Variants in AFF3 observed in about 807,000 individuals in gnomAD.
The protein encoded by AFF3 is AF4/FMR2 family member 3.
A neutral mutation model predicts 129.7 loss-of-function variants in AFF3; 32 were observed. The ratio of observed to expected loss-of-function variants is 0.25; its 90% CI spans 0.19 to 0.33. The LOEUF is 0.33. AFF3 is among the 10% of genes least tolerant of loss of function. The pLI, the probability that AFF3 is intolerant of heterozygous loss-of-function variation, is 1.00. For missense variants in AFF3, 1,373 were observed against 1,592.0 expected (o/e 0.86, Z 2.34); for synonymous variants, 644 against 635.4 (o/e 1.01, Z -0.20).
intron 7 of AFF3, among the ~76,000 whole-genome samples, chr2:100,002,498 T>C (rs916905422): frequency 9.2e-5 from 14 of 152,234 alleles, no homozygotes; most frequent in African/African-American, 3.1e-4. Context: ...GACTATTTAA[T>C]TACTTATTTT....
At chr2:99,566,708 T>C (rs1676002804) in intron 19 of AFF3, among the ~76,000 whole-genome samples, 1 of 152,244 alleles carries the variant, frequency 6.6e-6, no homozygotes, top group Non-Finnish European at 1.5e-5. Flanking sequence ...CATACCTTAC[T>C]ACTCTTTGTA....
intron 13 of AFF3, among the ~76,000 whole-genome samples, chr2:99,642,656 T>A (rs1272778432): frequency 6.6e-6 from 1 of 152,232 alleles, no homozygotes; most frequent in Admixed American, 6.5e-5. Flanking sequence ...GAAATATTGT[T>A]ACGATGCAAA....
intron 11 of AFF3, among the ~76,000 whole-genome samples, chr2:99,695,062 T>C (rs947623016): frequency 6.6e-6 from 1 of 152,150 alleles, no homozygotes; most frequent in Non-Finnish European, 1.5e-5. Flanking sequence ...ATTTTAATAA[T>C]ATATTTCACT....
intron 8 of AFF3, among the ~76,000 whole-genome samples, chr2:99,796,933 T>C (rs1453466606): frequency 6.6e-6 from 1 of 152,188 alleles, no homozygotes; most frequent in Non-Finnish European, 1.5e-5. Context: ...AATGATGCTC[T>C]TTCTCACCTG....
intron 7 of AFF3, among the ~76,000 whole-genome samples, chr2:99,901,361 C>T (rs747213994): frequency 1.3e-5 from 2 of 152,194 alleles, no homozygotes; most frequent in Admixed American, 6.5e-5. Context: ...TGTCTGGGTG[C>T]TTGGGCTGTG....
At chr2:99,631,394 C>T (rs957261736) in intron 13 of AFF3, among the ~76,000 whole-genome samples, 1 of 152,170 alleles carries the variant, frequency 6.6e-6, no homozygotes, top group South Asian at 2.1e-4. Flanking sequence ...GTGTTCAGTT[C>T]AGTAGTGTTA....
chr2:100,115,343 T>C (rs1049176060), intron 2 of AFF3, among the ~76,000 whole-genome samples: 15 of 151,880 alleles, frequency 9.9e-5, no homozygotes, highest in Non-Finnish European at 1.8e-4. Flanking sequence ...GAGGCAGGAG[T>C]TCCAGACCAG....
At chr2:99,971,602 T>C (rs2104427944) in intron 7 of AFF3, among the ~76,000 whole-genome samples, 1 of 152,360 alleles carries the variant, frequency 6.6e-6, no homozygotes, top group Middle Eastern at 3.4e-3. Flanking sequence ...TTATTTTGCA[T>C]AATTCACACT....
intron 7 of AFF3, among the ~76,000 whole-genome samples, chr2:99,960,956 G>T (rs1386609331): frequency 6.6e-6 from 1 of 152,174 alleles, no homozygotes; most frequent in Non-Finnish European, 1.5e-5. Flanking sequence ...ACACAGCCTT[G>T]TGCTCCTGGC....
At chr2:100,117,805 T>C (rs1691790476) in intron 2 of AFF3, among the ~76,000 whole-genome samples, 2 of 152,228 alleles carry the variant, frequency 1.3e-5, no homozygotes, top group Admixed American at 6.5e-5. Flanking sequence ...AATTCAAGAT[T>C]ATCTTTACAT....
At chr2:99,897,707 C>T (rs1050086483) in intron 7 of AFF3, among the ~76,000 whole-genome samples, 9 of 152,138 alleles carry the variant, frequency 5.9e-5, no homozygotes, top group African/African-American at 1.9e-4. Flanking sequence ...ATTCACTTAC[C>T]GTCTTCTATC....
At chr2:99,686,476 C>T (rs1675069246) in intron 11 of AFF3, among the ~76,000 whole-genome samples, 1 of 152,156 alleles carries the variant, frequency 6.6e-6, no homozygotes, top group Non-Finnish European at 1.5e-5. Context: ...CCTTTCCTGC[C>T]TACTTGCTAA....
At chr2:99,906,381 C>T (rs545331107) in intron 7 of AFF3, among the ~76,000 whole-genome samples, 192 of 152,244 alleles carry the variant, frequency 1.3e-3, no homozygotes, top group Admixed American at 2.4e-3. Context: ...CAAGTGGGTG[C>T]TTTCGGACCT....
chr2:99,637,905 A>T (rs1341567452), intron 13 of AFF3, among the ~76,000 whole-genome samples: 1 of 152,216 alleles, frequency 6.6e-6, no homozygotes, highest in Non-Finnish European at 1.5e-5. Context: ...TCTAGAAGGG[A>T]CAGCTACATT....
At chr2:99,995,954 T>C (rs754851952) in intron 7 of AFF3, among the ~76,000 whole-genome samples, 2 of 152,182 alleles carry the variant, frequency 1.3e-5, no homozygotes, top group Non-Finnish European at 2.9e-5. Context: ...TATATGAGAA[T>C]TGTTTGCTCA....
chr2:99,896,930 C>T (rs1396566990), intron 7 of AFF3, among the ~76,000 whole-genome samples: 2 of 152,196 alleles, frequency 1.3e-5, no homozygotes, highest in African/African-American at 2.4e-5. Flanking sequence ...CCACCGCGCC[C>T]GGCCCTGTGC....
chr2:99,648,934 C>CTCTCTCTCTCTCTT lies in AFF3; in HGVS notation c.1184+691_1184+692insAAGAGAGAGAGAGA, dbSNP rs138353584. Among the ~76,000 whole-genome samples, 510 of 119,288 alleles carry CTCTCTCTCTCTCTT rather than the reference C, an allele frequency of 4.3e-3. 13 individuals carry two copies. The highest frequency in any genetic ancestry group is 0.017 in the Middle Eastern group (4 of 242). 78.3% of individuals were successfully genotyped at this position (119,288 alleles called of 152,430 possible). Reference sequence around the variant, plus strand: ...ACACACACACTCTCTCTCTCTCTCTCTCTCCAATCTTAGTAAGTGAAAAAA... The same window carrying CTCTCTCTCTCTCTT: ...ACACACACACTCTCTCTCTCTCTCTCTCTCTCTCTCTCTTTCTCCAATCTTAGTAAGTGAAAAAA... On this transcript the variant is annotated intron_variant, in intron 13 of 24. Coordinates refer to ENST00000672756, the MANE Select transcript of AFF3 (RefSeq NM_001386135.1).
At chr2:99,745,534 T>C (rs1681083852) in intron 9 of AFF3, among the ~76,000 whole-genome samples, 2 of 152,210 alleles carry the variant, frequency 1.3e-5, no homozygotes. Flanking sequence ...TTTGGGTTCT[T>C]ATACTCATGC....
intron 11 of AFF3, among the ~76,000 whole-genome samples, chr2:99,703,579 G>C (rs564336003): frequency 7.3e-5 from 11 of 151,384 alleles, no homozygotes; most frequent in Admixed American, 4.6e-4. Context: ...AATTATTGAC[G>C]TGTTAGGATT....
Sources: gnomAD v4.1 joint callset for allele counts (sites outside exome capture counted in the v4.1 genomes callset) on GRCh38, gnomAD v4.1.1 for gene constraint, MANE v1.5 for transcripts, NCBI Gene and HGNC (gene_info 2026-07-23, HGNC 2026-07-21) for gene names.